ATG14: variants seen among roughly 807,000 people sequenced by gnomAD.
ATG14 encodes beclin 1-associated autophagy-related key regulator.
ATG14 carries 35 observed loss-of-function variants against 60.4 expected under a neutral mutation model. The observed-to-expected ratio is 0.58, with a 90% CI of 0.44 to 0.77. The LOEUF (loss-of-function observed/expected upper bound fraction) is 0.77. ATG14 is among the 30% of genes least tolerant of loss of function. The pLI is 0.00. For missense variants in ATG14, 647 were observed against 626.3 expected, an observed-to-expected ratio of 1.03 and a Z score of -0.35; for synonymous variants, 234 against 228.8, an observed-to-expected ratio of 1.02 and a Z score of -0.21.
intron 3 of ATG14, among the ~76,000 whole-genome samples, chr14:55,395,545 T>C (rs993393625): frequency 5.3e-5 from 8 of 152,222 alleles, no homozygotes; most frequent in Non-Finnish European, 1.0e-4. Context: ...ATATGATCTG[T>C]CAAAATGCTT....
intron 3 of ATG14, chr14:55,395,135 C>A: frequency 2.1e-6 from 1 of 476,742 alleles, no homozygotes; most frequent in South Asian, 1.5e-5. Context: ...GCTTCGTTTC[C>A]ACTTTTGCAG....
chr14:55,375,449 AGCAGCTGG>A (rs1397299929), intron 9 of ATG14, among the ~76,000 whole-genome samples: 3 of 150,274 alleles, frequency 2.0e-5, no homozygotes, highest in Non-Finnish European at 3.0e-5. Context: ...CAGCCTCCAC[AGCAGCTGG>A]GACTACAGGC....
intron 9 of ATG14, among the ~76,000 whole-genome samples, chr14:55,372,717 C>T (rs889375944): frequency 3.3e-5 from 5 of 152,058 alleles, no homozygotes; most frequent in Non-Finnish European, 7.4e-5. Flanking sequence ...ACAGCTCCTT[C>T]CTTCTTTCCT....
chr14:55,400,277 A>C (rs753536676), intron 1 of ATG14, among the ~76,000 whole-genome samples: 6 of 152,200 alleles, frequency 3.9e-5, no homozygotes, highest in Non-Finnish European at 7.3e-5. Context: ...ATAGAGTATC[A>C]CTATATTCAA....
At chr14:55,398,287 ATT>A (rs757432813) in intron 1 of ATG14, among the ~76,000 whole-genome samples, 30 of 151,806 alleles carry the variant, frequency 2.0e-4, no homozygotes, top group Non-Finnish European at 3.2e-4. Context: ...TTCTATCTTT[ATT>A]TTCTTCTTGC....
At chr14:55,400,645 G>A (rs1396868826) in intron 1 of ATG14, among the ~76,000 whole-genome samples, 1 of 152,170 alleles carries the variant, frequency 6.6e-6, no homozygotes, top group Non-Finnish European at 1.5e-5. Flanking sequence ...GCTCACACCT[G>A]TAATCGCAGC....
intron 1 of ATG14, among the ~76,000 whole-genome samples, chr14:55,410,669 A>G (rs1885556943): frequency 6.6e-6 from 1 of 152,236 alleles, no homozygotes; most frequent in Non-Finnish European, 1.5e-5. Flanking sequence ...CTGAATTTTA[A>G]TTCTTGTACC....
At chr14:55,383,950 C>G (rs984569396) in intron 5 of ATG14, among the ~76,000 whole-genome samples, 2 of 152,160 alleles carry the variant, frequency 1.3e-5, no homozygotes, top group African/African-American at 4.8e-5. Context: ...GCCTTCTGTG[C>G]TGCACCAAGT....
At chr14:55,410,826 T>C (rs1846411088) in intron 1 of ATG14, among the ~76,000 whole-genome samples, 1 of 152,230 alleles carries the variant, frequency 6.6e-6, no homozygotes, top group African/African-American at 2.4e-5. Context: ...TCATTGACTA[T>C]CATTGACACT....
In ATG14 at chr14:55,366,526, C is replaced by T. The variant is rs745365088; in HGVS notation, c.*3093G>A. The T allele has an allele frequency of 5.9e-5, 9 of 152,578 alleles. No homozygotes were observed. Among genetic ancestry groups the T allele is most frequent in the Non-Finnish European group, 1.2e-4 (8 of 68,040 alleles). 9.5% of individuals were successfully genotyped at this position (152,578 alleles called of 1,614,324 possible). The stretch of plus-strand genomic sequence containing the variant: ...TGTGAGGAGATTCTCGGACACTAGT[C>T]CTCTAACAGCATGCCACTGAATGCT... On this transcript the variant is annotated 3_prime_UTR_variant, in exon 10 of 10. Coordinates refer to ENST00000247178, the MANE Select transcript of ATG14 (RefSeq NM_014924.5).
chr14:55,391,017 C>T (rs1490684521), intron 3 of ATG14, 25 bp from the exon 4 acceptor site: 1 of 1,543,166 alleles, frequency 6.5e-7, no homozygotes, highest in Non-Finnish European at 8.9e-7. Context: ...TAATAAATAT[C>T]ACAAACGTTG....
chr14:55,382,678 A>C (rs965665851), intron 5 of ATG14, among the ~76,000 whole-genome samples: 10 of 152,176 alleles, frequency 6.6e-5, no homozygotes, highest in African/African-American at 2.4e-4. Context: ...ATACGTAGAT[A>C]AGAGCTTGCT....
At chr14:55,380,875 A>AT (rs1170779991) in intron 6 of ATG14, among the ~76,000 whole-genome samples, 185 bp from the exon 7 acceptor site, 342 of 112,696 alleles carry the variant, frequency 3.0e-3, no homozygotes, top group East Asian at 9.6e-3. Flanking sequence ...ATATATATAT[A>AT]TTTTTTTTTT....
intron 4 of ATG14, among the ~76,000 whole-genome samples, chr14:55,390,077 C>CT (rs1270125894): frequency 3.3e-5 from 5 of 150,178 alleles, no homozygotes; most frequent in Admixed American, 6.6e-5. Context: ...CATTCCTTAA[C>CT]TTTTTTTTTT....
chr14:55,402,393 C>A (rs1324511167), intron 1 of ATG14, among the ~76,000 whole-genome samples: 1 of 152,058 alleles, frequency 6.6e-6, no homozygotes, highest in African/African-American at 2.4e-5. Context: ...AAATATTCGA[C>A]CTTTTGATTC....
chr14:55,381,190 C>G (rs559549599), intron 6 of ATG14, among the ~76,000 whole-genome samples: 4 of 152,128 alleles, frequency 2.6e-5, no homozygotes, highest in Admixed American at 6.5e-5. Flanking sequence ...AGGGCCACCT[C>G]TGTCTTGGTC....
chr14:55,392,739 T>G (rs1374462228), intron 3 of ATG14, among the ~76,000 whole-genome samples: 10 of 152,034 alleles, frequency 6.6e-5, no homozygotes, highest in Admixed American at 5.9e-4. Flanking sequence ...ATTAAAAGCT[T>G]AAAACAATGC....
In ATG14 at chr14:55,369,630, C is replaced by T; in HGVS notation, c.1468G>A (p.Gly490Arg). Residue 490 changes from glycine to arginine, a missense_variant, in exon 10 of 10, where the codon GGA (glycine) becomes AGA (arginine). Transcript: ENST00000247178. ...SVTSWFKAYT[G>R]HR is the part of the protein sequence containing the mutation. ...TTGGTCCATGCTCGTTAACGGTGTC[C>T]AGTGTAAGCTTTAAACCAGGAGGTC... is the stretch of plus-strand genomic sequence containing the variant. 6.6e-7 allele frequency: 1 copy of T among 1,518,128 alleles called. No homozygotes were observed. Among genetic ancestry groups the T allele is most frequent in the Non-Finnish European group, 8.8e-7 (1 of 1,131,404 alleles). 94.0% of individuals were successfully genotyped at this position (1,518,128 alleles called of 1,614,324 possible). A position where few individuals can be genotyped will look rare whatever the true frequency, so the allele number is the denominator to read the frequency against.
At chr14:55,376,488 A>G (rs1884921256) in intron 9 of ATG14, among the ~76,000 whole-genome samples, 1 of 152,180 alleles carries the variant, frequency 6.6e-6, no homozygotes, top group South Asian at 2.1e-4. Flanking sequence ...CATTGTAAGT[A>G]TATGTGCAGT....
Sources: gnomAD v4.1 joint callset for allele counts (sites outside exome capture counted in the v4.1 genomes callset) on GRCh38, gnomAD v4.1.1 for gene constraint, MANE v1.5 for transcripts, NCBI Gene and HGNC (gene_info 2026-07-23, HGNC 2026-07-21) for gene names.